NEDD4: variants seen among roughly 807,000 people sequenced by gnomAD.
NEDD4 encodes the protein NEDD4 E3 ubiquitin protein ligase.
A neutral mutation model predicts 144.9 loss-of-function variants in NEDD4; 99 were observed. The observed-to-expected ratio is 0.68, with a 90% CI of 0.58 to 0.81. The LOEUF is 0.81. NEDD4 is among the 30% of genes least tolerant of loss of function. The pLI is 0.00. For synonymous variants in NEDD4, 318 were observed against 350.6 expected (o/e 0.91, Z 1.04); for missense variants, 985 against 1,065.9 (o/e 0.92, Z 1.06).
chr15:55,869,838 G>T (rs1426953943), intron 7 of NEDD4, among the ~76,000 whole-genome samples, 157 bp from the exon 8 acceptor site: 1 of 149,168 alleles, frequency 6.7e-6, no homozygotes, highest in Non-Finnish European at 1.5e-5. Flanking sequence ...GAAAGGAATA[G>T]AAGGTAGAGA....
chr15:55,872,986 G>GA (rs2034857696), intron 6 of NEDD4, among the ~76,000 whole-genome samples: 1 of 151,234 alleles, frequency 6.6e-6, no homozygotes, highest in Admixed American at 6.6e-5. Context: ...TCACAAGACT[G>GA]AAAAAGAAGT....
chr15:55,921,905 A>G (rs1457009442), intron 5 of NEDD4, among the ~76,000 whole-genome samples: 5 of 152,272 alleles, frequency 3.3e-5, no homozygotes, highest in South Asian at 2.1e-4. Context: ...GGACCAGACA[A>G]TTAAGCATGG....
At chr15:55,967,932 G>A (rs2037544078) in intron 1 of NEDD4, among the ~76,000 whole-genome samples, 1 of 152,090 alleles carries the variant, frequency 6.6e-6, no homozygotes, top group Non-Finnish European at 1.5e-5. Flanking sequence ...AGGATTGCCT[G>A]AATTTGAGGT....
At chr15:55,936,021 C>T (rs1595859112) in intron 4 of NEDD4, among the ~76,000 whole-genome samples, 2 of 151,876 alleles carry the variant, frequency 1.3e-5, no homozygotes, top group Admixed American at 6.6e-5. Flanking sequence ...GACCAACCTT[C>T]TTCTATGCTT....
At chr15:55,916,462 T>C in intron 5 of NEDD4, 1 of 1,614,052 alleles carries the variant, frequency 6.2e-7, no homozygotes, top group South Asian at 1.1e-5. Context: ...ACAGCACTAC[T>C]GTAAATACCA....
At chr15:55,967,761 C>T (rs2037540508) in intron 1 of NEDD4, among the ~76,000 whole-genome samples, 1 of 151,884 alleles carries the variant, frequency 6.6e-6, no homozygotes. Context: ...CGGCACACAC[C>T]TATTATCACA....
intron 4 of NEDD4, 108 bp downstream of exon 4, chr15:55,951,268 C>T (rs2037233015): frequency 1.8e-6 from 1 of 544,476 alleles, no homozygotes; most frequent in Non-Finnish European, 3.1e-6. Flanking sequence ...CAACTTTAGG[C>T]AAATTCTGAG....
chr15:55,981,843 A>G (rs1454602206), intron 1 of NEDD4, among the ~76,000 whole-genome samples: 1 of 152,234 alleles, frequency 6.6e-6, no homozygotes, highest in Non-Finnish European at 1.5e-5. Flanking sequence ...CCACAGGTAC[A>G]GAACATGGGG....
chr15:55,985,721 G>C, intron 1 of NEDD4, among the ~76,000 whole-genome samples: 2 of 151,134 alleles, frequency 1.3e-5, no homozygotes, highest in South Asian at 4.2e-4. Context: ...AATAGCTATA[G>C]ATCTTTGTGT....
chr15:55,894,768 C>A (rs2035686582), intron 5 of NEDD4, among the ~76,000 whole-genome samples: 1 of 152,018 alleles, frequency 6.6e-6, no homozygotes, highest in African/African-American at 2.4e-5. Flanking sequence ...TTTAAAAATA[C>A]AAACCATTTT....
At chr15:55,877,744 T>C (rs2035042986) in intron 5 of NEDD4, among the ~76,000 whole-genome samples, 1 of 152,146 alleles carries the variant, frequency 6.6e-6, no homozygotes, top group Admixed American at 6.5e-5. Flanking sequence ...AAGCAAAGAA[T>C]TTTCCCCTTC....
chr15:55,836,331 GACAC>G (rs10526731), intron 24 of NEDD4, among the ~76,000 whole-genome samples: 8,579 of 147,962 alleles, frequency 0.058, 302 homozygotes, highest in Non-Finnish European at 0.083. Flanking sequence ...AAAAGTATGT[GACAC>G]ACACACACAC....
At chr15:55,917,471 T>C (rs564205033) in intron 5 of NEDD4, among the ~76,000 whole-genome samples, 2 of 152,248 alleles carry the variant, frequency 1.3e-5, no homozygotes, top group African/African-American at 4.8e-5. Flanking sequence ...TTAATTTTTT[T>C]TTTTTAATGT....
intron 4 of NEDD4, among the ~76,000 whole-genome samples, chr15:55,925,954 C>T (rs1257658638): frequency 6.6e-6 from 1 of 151,484 alleles, no homozygotes; most frequent in Non-Finnish European, 1.5e-5. Context: ...CATACTGTAT[C>T]ATACAGTATG....
At chr15:55,947,315 A>G (rs1287815740) in intron 4 of NEDD4, among the ~76,000 whole-genome samples, 1 of 150,936 alleles carries the variant, frequency 6.6e-6, no homozygotes, top group Non-Finnish European at 1.5e-5. Context: ...ATAAAAAATG[A>G]TAAAGGGGAT....
intron 26 of NEDD4, among the ~76,000 whole-genome samples, chr15:55,833,349 T>C (rs1347984734): frequency 1.3e-5 from 2 of 152,214 alleles, no homozygotes; most frequent in African/African-American, 4.8e-5. Flanking sequence ...TCTCTTGAGA[T>C]GTGACTCATG....
intron 5 of NEDD4, among the ~76,000 whole-genome samples, chr15:55,921,009 T>C (rs774544678): frequency 3.3e-5 from 5 of 152,202 alleles, no homozygotes; most frequent in African/African-American, 7.2e-5. Context: ...ATATACTAAA[T>C]GGTATATCTT....
chr15:55,941,853 G>C (rs972576325), intron 4 of NEDD4, among the ~76,000 whole-genome samples: 1 of 152,170 alleles, frequency 6.6e-6, no homozygotes, highest in African/African-American at 2.4e-5. Context: ...GATTATAGGC[G>C]TGAGCCATTG....
At chr15:55,832,863 C>G in intron 27 of NEDD4, 145 bp downstream of exon 27, 2 of 591,070 alleles carry the variant, frequency 3.4e-6, no homozygotes, top group East Asian at 2.8e-5. Context: ...ACTCCAGTGT[C>G]CCTAATGGTA....
Sources: gnomAD v4.1 joint callset for allele counts (sites outside exome capture counted in the v4.1 genomes callset) on GRCh38, gnomAD v4.1.1 for gene constraint, MANE v1.5 for transcripts, NCBI Gene and HGNC (gene_info 2026-07-23, HGNC 2026-07-21) for gene names.